KIAA1958: variants seen among roughly 807,000 people sequenced by gnomAD.
KIAA1958 encodes uncharacterized protein KIAA1958.
Under a neutral mutation model 47.2 loss-of-function variants are expected in KIAA1958, and 14 were observed. That is an observed-to-expected ratio of 0.30 (90% CI 0.20 to 0.46). KIAA1958 has a LOEUF of 0.46. Among genes scored for constraint, KIAA1958 ranks in the 20% least tolerant of loss-of-function variants. The pLI is 1.00. For missense variants in KIAA1958, 803 were observed against 909.2 expected, an observed-to-expected ratio of 0.88 and a Z score of 1.50; for synonymous variants, 354 against 353.3, an observed-to-expected ratio of 1.00 and a Z score of -0.02.
intron 1 of KIAA1958, among the ~76,000 whole-genome samples, chr9:112,554,741 C>G (rs939018979): frequency 3.3e-5 from 5 of 152,054 alleles, no homozygotes; most frequent in African/African-American, 1.2e-4. Flanking sequence ...AACAAGAATC[C>G]TAGGTGATTC....
Position 112,574,297 on chromosome 9 carries a change from T to A in KIAA1958, c.217T>A (p.Cys73Ser). 6.2e-7 allele frequency: 1 copy of A among 1,614,194 alleles called. No individual in the cohort carries two copies. ...CAGAGCTGGGTCCCAAGAGAGGGTC[T>A]GTTTCCAGGATAACAGAAGTTTTAA... ...TCRAGSQERV[C>S]FQDNRSFNSD... is the part of the protein sequence containing the mutation. Residue 73 changes from cysteine (C) to serine (S), a missense_variant, in exon 2 of 4, where the codon TGT becomes AGT. By Grantham distance (112) the Cys-to-Ser change is moderately radical (BLOSUM62 -1). This residue lies in a region of KIAA1958 where 761 missense variants were observed against 829.3 expected (regional missense o/e 0.92). Transcript: ENST00000337530.
rs1564159519 is a variant in KIAA1958 at position 112,525,983 on chromosome 9, TC to T, written c.-25+38866del. Among the ~76,000 whole-genome samples the T allele has an allele frequency of 2.2e-5, 2 of 92,284 alleles. 1 individual carries two copies. The highest frequency in any genetic ancestry group is 4.2e-5 in the Non-Finnish European group (2 of 47,822). The allele number at this position is 92,284 out of a possible 152,430, so 60.5% of individuals were successfully genotyped here. A position where few individuals can be genotyped will look rare whatever the true frequency, so the allele number is the denominator to read the frequency against. On this transcript the variant is annotated intron_variant, in intron 1 of 3. Transcript: ENST00000337530. ...TTCTTCTTCTTCTTCTTCTTCTTCT[TC>T]TTCTTCTTCTTCTTCTTTTTTTTTT...
intron 1 of KIAA1958, among the ~76,000 whole-genome samples, chr9:112,508,515 G>A (rs1223643075): frequency 6.6e-6 from 1 of 152,196 alleles, no homozygotes; most frequent in African/African-American, 2.4e-5. Flanking sequence ...CCCTAAGAAA[G>A]ATAATTTGCA....
At chr9:112,496,701 G>A (rs910458624) in intron 1 of KIAA1958, among the ~76,000 whole-genome samples, 2 of 152,014 alleles carry the variant, frequency 1.3e-5, no homozygotes, top group African/African-American at 2.4e-5. Context: ...TCTAGTCCAC[G>A]GTGTTCTTCC....
intron 1 of KIAA1958, among the ~76,000 whole-genome samples, chr9:112,529,137 CT>C (rs1357046336): frequency 1.3e-5 from 2 of 152,080 alleles, no homozygotes; most frequent in Non-Finnish European, 2.9e-5. Context: ...TCCCTGCCTT[CT>C]TTTATTTAGA....
chr9:112,603,186 T>C (rs1836164971), intron 2 of KIAA1958, among the ~76,000 whole-genome samples: 1 of 152,148 alleles, frequency 6.6e-6, no homozygotes, highest in African/African-American at 2.4e-5. Flanking sequence ...TAAGGAATGT[T>C]AGAGGTAGAG....
Position 112,659,479 on chromosome 9 carries a change from G to C in KIAA1958, c.1561G>C (p.Gly521Arg), listed in dbSNP as rs773684312. Reference protein sequence around the residue: ...KEKLWVLSKAGMSGARSRNIV... With the variant: ...KEKLWVLSKARMSGARSRNIV... The stretch of plus-strand genomic sequence containing the variant: ...GAAGCTGTGGGTGCTGAGTAAGGCA[G>C]GCATGTCGGGCGCGCGTTCTCGCAA... Residue 521 changes from glycine (G) to arginine (R), a missense_variant, in exon 4 of 4, where the codon GGC becomes CGC. By Grantham distance (125) the Gly-to-Arg change is moderately radical (BLOSUM62 -2). Coordinates refer to ENST00000337530, the MANE Select transcript of KIAA1958 (RefSeq NM_133465.4). 4.3e-6 allele frequency: 7 copies of C among 1,613,852 alleles called. No individual in the cohort carries two copies. Among genetic ancestry groups the C allele is most frequent in the East Asian group, 4.5e-5 (2 of 44,880 alleles).
rs533019690 is a variant in KIAA1958, at chr9:112,575,176, G to A, written c.1096G>A (p.Glu366Lys). Residue 366 changes from glutamate to lysine, a missense_variant, in exon 2 of 4, where the codon GAA (glutamate) becomes AAA (lysine). Physicochemically the swap from Glu to Lys is moderately conservative, Grantham distance 56 (BLOSUM62 1). This residue lies in a region of KIAA1958 where 761 missense variants were observed against 829.3 expected (regional missense o/e 0.92). Coordinates refer to ENST00000337530, the MANE Select transcript of KIAA1958 (RefSeq NM_133465.4). ...TTCTCCCTCAGTTAACACAGAGCCA[G>A]AAGTGAGCTCCAGTCAGCAGCAGCC... is the stretch of plus-strand genomic sequence containing the variant. ...ALSPSVNTEP[E>K]VSSSQQQPPV... 3.1e-6 allele frequency: 5 copies of A among 1,596,398 alleles called. No individual in the cohort carries two copies. The South Asian group carries it at 4.4e-5, about 14-fold the overall frequency.
At chr9:112,509,420 C>T (rs1351963622) in intron 1 of KIAA1958, among the ~76,000 whole-genome samples, 2 of 151,640 alleles carry the variant, frequency 1.3e-5, no homozygotes, top group African/African-American at 2.4e-5. Context: ...AGGCTCATCT[C>T]GAACTCCTGA....
At chr9:112,617,810 A>C (rs1240373145) in intron 2 of KIAA1958, 14 of 1,275,068 alleles carry the variant, frequency 1.1e-5, no homozygotes, top group Non-Finnish European at 1.4e-5. Flanking sequence ...TTCAGAGTAG[A>C]AAGTGCATTG....
chr9:112,629,406 A>G (rs1022751408), intron 2 of KIAA1958, among the ~76,000 whole-genome samples: 3 of 152,180 alleles, frequency 2.0e-5, no homozygotes, highest in Non-Finnish European at 4.4e-5. Flanking sequence ...CTCAAATCAT[A>G]TTTTACAACT....
At chr9:112,636,830 A>G (rs777837527) in intron 2 of KIAA1958, among the ~76,000 whole-genome samples, 4 of 152,142 alleles carry the variant, frequency 2.6e-5, no homozygotes, top group Non-Finnish European at 5.9e-5. Flanking sequence ...CAGCCTGACA[A>G]CATTTATCTT....
intron 3 of KIAA1958, among the ~76,000 whole-genome samples, chr9:112,652,242 A>T (rs1157819453): frequency 6.6e-6 from 1 of 152,206 alleles, no homozygotes; most frequent in Non-Finnish European, 1.5e-5. Context: ...GGTCATTTTT[A>T]CATCAAGGAA....
rs1246449933 is a variant in KIAA1958, at chr9:112,618,625, C to A, written c.1172-27025C>A. The A allele has an allele frequency of 6.4e-7, 1 of 1,550,674 alleles. No homozygotes were observed. Among genetic ancestry groups the A allele is most frequent in the Non-Finnish European group, 8.7e-7 (1 of 1,147,006 alleles). ...AGGATGCCCCTTTCTACTTATCCAT[C>A]AAGCCAGTCGTGAACCTGGCGGCTC... On this transcript the variant is annotated intron_variant, in intron 2 of 3. Coordinates refer to ENST00000337530, the MANE Select transcript of KIAA1958 (RefSeq NM_133465.4). The surrounding 1 kb of genome is among the most constrained non-coding windows in gnomAD (Gnocchi z 7.1).
At chr9:112,596,601 A>G (rs1588033602) in intron 2 of KIAA1958, among the ~76,000 whole-genome samples, 1 of 152,296 alleles carries the variant, frequency 6.6e-6, no homozygotes, top group South Asian at 2.1e-4. Flanking sequence ...TTATTTTATA[A>G]TGAACTTCTC....
At chr9:112,594,077 C>G (rs1405730424) in intron 2 of KIAA1958, among the ~76,000 whole-genome samples, 2 of 152,100 alleles carry the variant, frequency 1.3e-5, no homozygotes, top group African/African-American at 4.8e-5. Flanking sequence ...ATTGCCCCAG[C>G]TGGTCTCAAA....
At position 112,530,542 on chromosome 9, in the gene KIAA1958, AT is replaced by A. The variant is rs368934798; in HGVS notation, c.-25+43430del. ...ATTTTTTCATTATTGGATTGGTTTT[AT>A]TTTTTGTAGTGATTTATATAGCTAC... is the stretch of plus-strand genomic sequence containing the variant. On this transcript the variant is annotated intron_variant, in intron 1 of 3. Transcript: ENST00000337530. Among the ~76,000 whole-genome samples the A allele has an allele frequency of 6.8e-4, 103 of 152,244 alleles. 2 individuals carry two copies. The South Asian group carries it at 0.02, about 30-fold the overall frequency.
At chr9:112,594,937 G>A (rs1267183465) in intron 2 of KIAA1958, among the ~76,000 whole-genome samples, 1 of 152,090 alleles carries the variant, frequency 6.6e-6, no homozygotes, top group Admixed American at 6.5e-5. Flanking sequence ...GGTGTGAAGT[G>A]GTACCTCATT....
intron 2 of KIAA1958, among the ~76,000 whole-genome samples, chr9:112,631,571 C>A (rs990004235): frequency 2.7e-5 from 4 of 148,156 alleles, no homozygotes; most frequent in Admixed American, 1.3e-4. Flanking sequence ...GTAAAACCAC[C>A]ATTTGCTTTG....
Sources: gnomAD v4.1 joint callset for allele counts (sites outside exome capture counted in the v4.1 genomes callset) on GRCh38, gnomAD v4.1.1 for gene constraint, gnomAD v4.1.1 regional missense constraint, Gnocchi (gnomAD v3.1) non-coding constraint, MANE v1.5 for transcripts, NCBI Gene and HGNC (gene_info 2026-07-23, HGNC 2026-07-21) for gene names.